Variants in DENND1A observed in about 807,000 individuals in gnomAD.
DENND1A encodes the protein DENN domain containing 1A.
DENND1A carries 51 observed loss-of-function variants against 113.7 expected under a neutral mutation model. The observed-to-expected ratio is 0.45, with a 90% CI of 0.36 to 0.57. The LOEUF is 0.57. DENND1A is among the 20% of genes least tolerant of loss of function. DENND1A has a pLI of 0.00. For missense variants in DENND1A, 1,258 were observed against 1,395.9 expected (o/e 0.90, Z 1.57); for synonymous variants, 565 against 570.8 (o/e 0.99, Z 0.14).
At chr9:123,550,651 A>G (rs1356886923) in intron 13 of DENND1A, among the ~76,000 whole-genome samples, 1 of 152,242 alleles carries the variant, frequency 6.6e-6, no homozygotes, top group Non-Finnish European at 1.5e-5. Flanking sequence ...AACTGAGACC[A>G]GCGTGTGTGA....
At chr9:123,699,803 T>A (rs2065777239) in intron 5 of DENND1A, among the ~76,000 whole-genome samples, 1 of 151,374 alleles carries the variant, frequency 6.6e-6, no homozygotes, top group East Asian at 2.0e-4. Context: ...GTTCAAGCAA[T>A]TCTCCTGCCT....
Position 123,457,852 on chromosome 9 carries a change from G to A in DENND1A, c.1039C>T (p.Arg347Cys), listed in dbSNP as rs755409308. The A allele has an allele frequency of 5.0e-6, 8 of 1,612,730 alleles. No individual in the cohort carries two copies. The highest frequency in any genetic ancestry group is 3.3e-5 in the South Asian group (3 of 90,648). Reference protein sequence around the residue: ...FCEEAFVSHYRSGAMRQFLQN... With the variant: ...FCEEAFVSHYCSGAMRQFLQN... ...AGGAACTGCCTCATGGCTCCGGAGC[G>A]GTAGTGGGACACGAAGGCTTCCTCA... The change falls in exon 14 of 24, where the codon CGC (arginine) becomes TGC (cysteine). Residue 347 changes from arginine (R) to cysteine (C), a missense_variant. This residue lies in a region of DENND1A where 1,159 missense variants were observed against 1,231.7 expected (regional missense o/e 0.94). Coordinates refer to ENST00000394215, the MANE Select transcript of DENND1A (RefSeq NM_001352964.2).
At chr9:123,627,319 T>C (rs74326519) in intron 10 of DENND1A, among the ~76,000 whole-genome samples, 2 of 152,238 alleles carry the variant, frequency 1.3e-5, no homozygotes, top group Admixed American at 6.5e-5. Context: ...GGCCTGTCTA[T>C]GGGCCTGTGT....
At chr9:123,634,667 T>C (rs1228436204) in intron 9 of DENND1A, among the ~76,000 whole-genome samples, 1 of 152,234 alleles carries the variant, frequency 6.6e-6, no homozygotes, top group Non-Finnish European at 1.5e-5. Context: ...GAAATGATTC[T>C]ATCAAAATCT....
intron 5 of DENND1A, among the ~76,000 whole-genome samples, chr9:123,699,909 G>T (rs1459930941): frequency 2.0e-5 from 3 of 152,024 alleles, no homozygotes; most frequent in Non-Finnish European, 4.4e-5. Flanking sequence ...TGTTGGCCAG[G>T]CTGGTCTCAA....
At chr9:123,850,538 TA>T (rs1263106370) in intron 2 of DENND1A, among the ~76,000 whole-genome samples, 1 of 152,228 alleles carries the variant, frequency 6.6e-6, no homozygotes. Context: ...GGTCTGCAAC[TA>T]AACTGAACCT....
At chr9:123,782,236 T>C (rs1042938387) in intron 3 of DENND1A, among the ~76,000 whole-genome samples, 2 of 152,316 alleles carry the variant, frequency 1.3e-5, no homozygotes, top group East Asian at 3.9e-4. Context: ...GATAAGTATC[T>C]GGCAGGTTGG....
At chr9:123,816,849 TA>T (rs1231923820) in intron 2 of DENND1A, among the ~76,000 whole-genome samples, 1 of 152,024 alleles carries the variant, frequency 6.6e-6, no homozygotes, top group Non-Finnish European at 1.5e-5. Flanking sequence ...AAGAGGAAAA[TA>T]GAGAGGCACT....
chr9:123,695,135 C>G (rs1394887158), intron 5 of DENND1A, among the ~76,000 whole-genome samples: 1 of 152,068 alleles, frequency 6.6e-6, no homozygotes, highest in African/African-American at 2.4e-5. Flanking sequence ...CGGACTGGCT[C>G]TCCTTGCTCC....
At chr9:123,855,857 G>C (rs1844096290) in intron 2 of DENND1A, among the ~76,000 whole-genome samples, 1 of 152,042 alleles carries the variant, frequency 6.6e-6, no homozygotes, top group Non-Finnish European at 1.5e-5. Context: ...GACCAACATG[G>C]AGAAACCCCA....
chr9:123,441,916 G>C (rs936518466), intron 18 of DENND1A, among the ~76,000 whole-genome samples: 9 of 152,172 alleles, frequency 5.9e-5, no homozygotes, highest in Admixed American at 1.3e-4. Context: ...AAGAGAGAAT[G>C]GTGGGACATG....
At chr9:123,849,281 C>T (rs1342903503) in intron 2 of DENND1A, among the ~76,000 whole-genome samples, 1 of 152,188 alleles carries the variant, frequency 6.6e-6, no homozygotes, top group Non-Finnish European at 1.5e-5. Flanking sequence ...GCTCATCGAC[C>T]ATTCTGAAAA....
intron 2 of DENND1A, among the ~76,000 whole-genome samples, chr9:123,861,960 G>C (rs1311500701): frequency 6.6e-6 from 1 of 152,110 alleles, no homozygotes; most frequent in Non-Finnish European, 1.5e-5. Flanking sequence ...AATATGCCCA[G>C]TGCAAATGCC....
At chr9:123,823,165 A>C (rs913290215) in intron 2 of DENND1A, among the ~76,000 whole-genome samples, 5 of 152,220 alleles carry the variant, frequency 3.3e-5, no homozygotes, top group Non-Finnish European at 7.3e-5. Context: ...GTATGGAAGG[A>C]AAACATTAAA....
Position 123,382,461 on chromosome 9 carries a change from G to A in DENND1A, c.2184C>T (p.Ser728=). The A allele has an allele frequency of 6.2e-7, 1 of 1,613,296 alleles. No individual in the cohort carries two copies. Among genetic ancestry groups the A allele is most frequent in the Non-Finnish European group, 8.5e-7 (1 of 1,179,668 alleles). Residue 728 remains serine (S), a synonymous_variant, in exon 24 of 24, where the codon TCC becomes TCT. Transcript: ENST00000394215. ...PEKPSALLGN[S]LALPRRPQNR... is the part of the protein sequence containing the mutation. ...TCTGGGGCCTTCGAGGCAGGGCCAG[G>A]GAGTTTCCGAGCAGGGCTGAGGGCT...
chr9:123,451,909 A>G (rs1180119053), intron 17 of DENND1A, among the ~76,000 whole-genome samples: 1 of 152,164 alleles, frequency 6.6e-6, no homozygotes, highest in Non-Finnish European at 1.5e-5. Context: ...TAAGAGTCTC[A>G]TCGCTTGGCT....
chr9:123,682,552 T>C (rs1052929703), intron 5 of DENND1A, among the ~76,000 whole-genome samples: 1 of 151,982 alleles, frequency 6.6e-6, no homozygotes, highest in African/African-American at 2.4e-5. Context: ...TTTAAAGCCT[T>C]CCTATTAAAA....
At chr9:123,651,970 A>C in intron 9 of DENND1A, 43 bp downstream of exon 9, 2 of 1,551,060 alleles carry the variant, frequency 1.3e-6, no homozygotes, top group Non-Finnish European at 8.8e-7. Flanking sequence ...CTTTCAATTA[A>C]AATTAGATCA....
chr9:123,917,247 G>GA (rs972092045), intron 1 of DENND1A, among the ~76,000 whole-genome samples: 3 of 152,014 alleles, frequency 2.0e-5, no homozygotes, highest in African/African-American at 4.8e-5. Flanking sequence ...CACAACCACA[G>GA]AAAAAAACCA....
Sources: gnomAD v4.1 joint callset for allele counts (sites outside exome capture counted in the v4.1 genomes callset) on GRCh38, gnomAD v4.1.1 for gene constraint, gnomAD v4.1.1 regional missense constraint, MANE v1.5 for transcripts, NCBI Gene and HGNC (gene_info 2026-07-23, HGNC 2026-07-21) for gene names.